FBXO36: variants seen among roughly 807,000 people sequenced by gnomAD.
FBXO36 encodes the protein F-box protein 36, also known as F-box only protein 36.
FBXO36 carries 18 observed loss-of-function variants against 17.0 expected under a neutral mutation model. The ratio of observed to expected loss-of-function variants is 1.06; its 90% CI spans 0.73 to 1.57. FBXO36 has a LOEUF of 1.57. Ranked by LOEUF, FBXO36 falls within the 40% of genes most tolerant of loss-of-function variation. The probability of loss-of-function intolerance (pLI) is 0.00; values close to 1 mark genes in which losing one functional copy is unlikely to be tolerated. For missense variants in FBXO36, 229 were observed against 221.9 expected (o/e 1.03, Z -0.20); for synonymous variants, 83 against 85.3 (o/e 0.97, Z 0.15).
chr2:229,980,354 G>A (rs911760523), intron 2 of FBXO36, among the ~76,000 whole-genome samples: 27 of 148,112 alleles, frequency 1.8e-4, no homozygotes, highest in Non-Finnish European at 1.8e-4. Flanking sequence ...GAGCCACGGC[G>A]CCCTGCCTCC....
intron 1 of FBXO36, among the ~76,000 whole-genome samples, chr2:229,957,045 A>T (rs939374435): frequency 2.0e-5 from 3 of 152,208 alleles, no homozygotes; most frequent in Non-Finnish European, 4.4e-5. Context: ...GACACAGTTC[A>T]GTTCCTAACA....
intron 1 of FBXO36, among the ~76,000 whole-genome samples, chr2:229,950,621 T>C (rs2077052512): frequency 6.6e-6 from 1 of 152,114 alleles, no homozygotes. Context: ...CAGGTCAGCC[T>C]CCTTTCCACA....
Position 229,986,114 on chromosome 2 carries a change from G to A in FBXO36, c.205+9765G>A, listed in dbSNP as rs151129896. 1.4e-3 allele frequency among the ~76,000 whole-genome samples: 214 copies of A among 152,206 alleles called. 1 individual carries two copies. The highest frequency in any genetic ancestry group is 0.01 in the Middle Eastern group (3 of 294). On this transcript the variant is annotated intron_variant, in intron 2 of 3. Transcript: ENST00000283946. ...TGAAAATAAGTCTCCCTCTGACCCT[G>A]TGTTTCTAGTTCCAGGACAACCATC...
chr2:229,966,988 C>G (rs991923204), intron 1 of FBXO36, among the ~76,000 whole-genome samples: 1 of 151,924 alleles, frequency 6.6e-6, no homozygotes, highest in East Asian at 1.9e-4. Flanking sequence ...GCCATTTTCA[C>G]GATATTCTTC....
intron 2 of FBXO36, among the ~76,000 whole-genome samples, chr2:229,982,316 G>C (rs1402578351): frequency 6.6e-6 from 1 of 152,054 alleles, no homozygotes; most frequent in Non-Finnish European, 1.5e-5. Context: ...GTGGGCCACT[G>C]TGCCCAGCCT....
At chr2:229,936,539 T>C (rs182455677) in intron 1 of FBXO36, among the ~76,000 whole-genome samples, 10 of 152,304 alleles carry the variant, frequency 6.6e-5, no homozygotes, top group Admixed American at 5.2e-4. Context: ...TATTTACTTA[T>C]GAAGTTAATG....
intron 2 of FBXO36, among the ~76,000 whole-genome samples, chr2:229,984,475 CG>C (rs2077257502): frequency 2.1e-5 from 1 of 48,476 alleles, no homozygotes; most frequent in Non-Finnish European, 4.4e-5. Flanking sequence ...ACTGCAACGC[CG>C]CTCCCGGGTT....
intron 1 of FBXO36, among the ~76,000 whole-genome samples, chr2:229,938,090 C>T (rs2076974649): frequency 6.6e-6 from 1 of 152,138 alleles, no homozygotes. Context: ...GCCTCAGCCT[C>T]CCGCATAGCT....
chr2:229,979,102 G>A (rs1030553707), intron 2 of FBXO36, among the ~76,000 whole-genome samples: 1 of 151,556 alleles, frequency 6.6e-6, no homozygotes, highest in South Asian at 2.1e-4. Context: ...CCTGGGAGGT[G>A]GAGGTTGAAG....
intron 1 of FBXO36, among the ~76,000 whole-genome samples, chr2:229,968,161 G>A (rs1042312017): frequency 6.6e-6 from 1 of 151,130 alleles, no homozygotes; most frequent in Non-Finnish European, 1.5e-5. Context: ...GATTTGAGAA[G>A]TTCTATTTTA....
At chr2:230,000,855 T>TTC (rs1336313875) in intron 3 of FBXO36, among the ~76,000 whole-genome samples, 3 of 87,680 alleles carry the variant, frequency 3.4e-5, no homozygotes, top group African/African-American at 1.2e-4. Context: ...ACTTTTCTTT[T>TTC]TTTTTTTTTT....
intron 1 of FBXO36, among the ~76,000 whole-genome samples, chr2:229,970,096 C>T (rs1363139370): frequency 6.6e-6 from 1 of 152,182 alleles, no homozygotes; most frequent in Non-Finnish European, 1.5e-5. Flanking sequence ...TAAGTGCCAA[C>T]ATTTTGACAG....
intron 1 of FBXO36, among the ~76,000 whole-genome samples, chr2:229,940,172 A>C (rs1333063918): frequency 6.6e-6 from 1 of 152,188 alleles, no homozygotes; most frequent in Non-Finnish European, 1.5e-5. Flanking sequence ...AATTGTTCCC[A>C]ATTAGTGGAG....
At position 229,974,013 on chromosome 2, in the gene FBXO36, GCACTC is replaced by G. The variant is rs571320989; in HGVS notation, c.97-2225_97-2221del. On this transcript the variant is annotated intron_variant, in intron 1 of 3. Coordinates refer to ENST00000283946, the MANE Select transcript of FBXO36 (RefSeq NM_174899.5). ...TGCAGTGAGCTGGGGTCGTACCACT[GCACTC>G]CAGCCTGGGTGACAGAACAAGACCC... Among the ~76,000 whole-genome samples, 452 of 152,306 alleles carry G rather than the reference GCACTC, an allele frequency of 3.0e-3. 1 individual carries two copies. Among genetic ancestry groups the G allele is most frequent in the Non-Finnish European group, 4.7e-3 (318 of 68,028 alleles).
chr2:229,994,939 C>T (rs999788740), intron 2 of FBXO36, among the ~76,000 whole-genome samples: 4 of 151,942 alleles, frequency 2.6e-5, no homozygotes, highest in African/African-American at 7.3e-5. Flanking sequence ...CATGGTGAAA[C>T]CCCATCTCTA....
At chr2:229,935,038 T>C (rs2076957182) in intron 1 of FBXO36, among the ~76,000 whole-genome samples, 1 of 152,186 alleles carries the variant, frequency 6.6e-6, no homozygotes. Flanking sequence ...CAAAAGAAAA[T>C]ACCTGCACCC....
intron 2 of FBXO36, among the ~76,000 whole-genome samples, chr2:229,980,331 G>T (rs2077231835): frequency 6.8e-6 from 1 of 146,808 alleles, no homozygotes; most frequent in African/African-American, 2.4e-5. Context: ...AAAGTGCCGG[G>T]GATTATAGAT....
At chr2:229,933,780 G>A (rs2076950819) in intron 1 of FBXO36, among the ~76,000 whole-genome samples, 1 of 152,052 alleles carries the variant, frequency 6.6e-6, no homozygotes, top group South Asian at 2.1e-4. Flanking sequence ...ACACTTCCCG[G>A]GTTCAAACAA....
chr2:229,924,228 G>A (rs2076890432), intron 1 of FBXO36, among the ~76,000 whole-genome samples: 1 of 152,140 alleles, frequency 6.6e-6, no homozygotes, highest in Admixed American at 6.5e-5. Context: ...GAGTAACTGG[G>A]ATTACAGGCG....
Sources: allele counts gnomAD v4.1 joint callset (sites outside exome capture counted in the v4.1 genomes callset), GRCh38; gene constraint gnomAD v4.1.1; transcripts MANE v1.5; gene names NCBI Gene and HGNC (gene_info 2026-07-23, HGNC 2026-07-21).